TMEM232: variants seen among roughly 807,000 people sequenced by gnomAD.
TMEM232 encodes the protein transmembrane protein 232.
Under a neutral mutation model 78.8 loss-of-function variants are expected in TMEM232, and 80 were observed. The ratio of observed to expected loss-of-function variants is 1.01; its 90% confidence interval spans 0.85 to 1.22. The LOEUF (loss-of-function observed/expected upper bound fraction) is 1.22. TMEM232 is among the 50% of genes most tolerant of loss of function. The pLI is 0.00. For missense variants in TMEM232, 881 were observed against 742.2 expected (o/e 1.19, Z -2.17); for synonymous variants, 297 against 254.3 (o/e 1.17, Z -1.60).
chr5:110,457,866 T>C (rs888048607), intron 12 of TMEM232, among the ~76,000 whole-genome samples: 1 of 152,088 alleles, frequency 6.6e-6, no homozygotes, highest in Non-Finnish European at 1.5e-5. Flanking sequence ...TGCCTACAAA[T>C]ATCATAGATA....
chr5:110,451,691 AT>A lies in TMEM232; in HGVS notation c.1704-26776del, dbSNP rs1760298795. On this transcript the variant is annotated intron_variant, in intron 12 of 13. Coordinates refer to ENST00000455884, the MANE Select transcript of TMEM232 (RefSeq NM_001039763.4). ...TTAGGTGCCTTGCTATCAATTAAACATTTACTAATTTCTTCCAGCAAGAAGC... is the reference window on the plus strand; with the variant it reads ...TTAGGTGCCTTGCTATCAATTAAACATTACTAATTTCTTCCAGCAAGAAGC... 2.6e-5 allele frequency among the ~76,000 whole-genome samples: 4 copies of A among 152,204 alleles called. No individual in the cohort carries two copies. In the South Asian group the frequency reaches 8.3e-4, roughly 32 times the overall value.
At chr5:110,529,934 C>G (rs933126174) in intron 11 of TMEM232, among the ~76,000 whole-genome samples, 5 of 152,152 alleles carry the variant, frequency 3.3e-5, no homozygotes, top group Admixed American at 2.6e-4. Flanking sequence ...AAGTCGGATA[C>G]TGCCTTTTAT....
At chr5:110,465,117 A>G (rs976784748) in intron 12 of TMEM232, among the ~76,000 whole-genome samples, 1 of 152,110 alleles carries the variant, frequency 6.6e-6, no homozygotes, top group Admixed American at 6.5e-5. Flanking sequence ...TAGAGTGAAA[A>G]GCTGTCTTTA....
At chr5:110,738,696 T>C (rs116525996), upstream of TMEM232, 4,653 of 228,832 alleles carry the variant, frequency 0.02, 60 homozygotes, top group African/African-American at 0.028. Flanking sequence ...AGCTGTGACA[T>C]GGGGTATTTC....
Position 110,627,767 on chromosome 5 carries a change from A to C in TMEM232, c.601+14T>G. 1 of 1,422,544 alleles carries C rather than the reference A, an allele frequency of 7.0e-7. No homozygotes were observed. 88.1% of individuals were successfully genotyped at this position (1,422,544 alleles called of 1,614,324 possible). On this transcript the variant is annotated intron_variant, in intron 6 of 13. Transcript: ENST00000455884. ...ATAAAACATTTATAAGTGTAAAAAT[A>C]AAAGATATTCTACCGTATAAATATG...
intron 11 of TMEM232, among the ~76,000 whole-genome samples, chr5:110,561,447 A>G (rs1170258945): frequency 1.3e-5 from 2 of 152,098 alleles, no homozygotes; most frequent in East Asian, 3.8e-4. Flanking sequence ...AGAATTAAAT[A>G]ATTAATGCAC....
At chr5:110,535,463 T>C (rs1772209024) in intron 11 of TMEM232, among the ~76,000 whole-genome samples, 2 of 152,268 alleles carry the variant, frequency 1.3e-5, no homozygotes, top group South Asian at 2.1e-4. Context: ...TTAAAAGCTT[T>C]ATTGCTCACA....
intron 11 of TMEM232, among the ~76,000 whole-genome samples, chr5:110,550,585 C>A (rs1413663234): frequency 2.0e-5 from 3 of 151,524 alleles, no homozygotes; most frequent in Non-Finnish European, 4.4e-5. Flanking sequence ...AGAACAAATT[C>A]TATATATGCA....
At chr5:110,714,522 C>T (rs1403229927) in intron 1 of TMEM232, among the ~76,000 whole-genome samples, 1 of 152,098 alleles carries the variant, frequency 6.6e-6, no homozygotes, top group African/African-American at 2.4e-5. Flanking sequence ...TTGAAATTGG[C>T]TTAGAATAAA....
At chr5:110,441,259 GATA>G (rs1456977169) in intron 12 of TMEM232, among the ~76,000 whole-genome samples, 1 of 152,058 alleles carries the variant, frequency 6.6e-6, no homozygotes, top group Non-Finnish European at 1.5e-5. Context: ...CCCCTACTAT[GATA>G]ATCGAAGATT....
At chr5:110,583,060 TA>T (rs1318693964) in intron 10 of TMEM232, among the ~76,000 whole-genome samples, 1 of 151,968 alleles carries the variant, frequency 6.6e-6, no homozygotes, top group Non-Finnish European at 1.5e-5. Flanking sequence ...CTTAATATTT[TA>T]AAAATGTTTA....
chr5:110,665,933 C>G (rs1375134850), intron 2 of TMEM232, among the ~76,000 whole-genome samples: 1 of 149,940 alleles, frequency 6.7e-6, no homozygotes. Context: ...GCCAGGCATA[C>G]TGGCATGTGC....
At chr5:110,623,120 T>G (rs1783986271) in intron 7 of TMEM232, among the ~76,000 whole-genome samples, 1 of 152,132 alleles carries the variant, frequency 6.6e-6, no homozygotes, top group Non-Finnish European at 1.5e-5. Context: ...GTGTACCATT[T>G]GTCAAAGTCA....
At chr5:110,479,894 A>G (rs1336216429) in intron 12 of TMEM232, among the ~76,000 whole-genome samples, 1 of 151,924 alleles carries the variant, frequency 6.6e-6, no homozygotes, top group Non-Finnish European at 1.5e-5. Context: ...GGTGTGTATT[A>G]TACTGTTATT....
intron 12 of TMEM232, among the ~76,000 whole-genome samples, chr5:110,498,423 G>T: frequency 6.6e-6 from 1 of 152,068 alleles, no homozygotes; most frequent in East Asian, 1.9e-4. Flanking sequence ...TTTCACATGG[G>T]AGCCTTAACA....
chr5:110,628,373 G>A (rs1170165642), intron 5 of TMEM232, among the ~76,000 whole-genome samples: 1 of 151,958 alleles, frequency 6.6e-6, no homozygotes, highest in African/African-American at 2.4e-5. Flanking sequence ...AGATAGTGTT[G>A]AGAACTATCC....
At chr5:110,469,587 G>A (rs1223813340) in intron 12 of TMEM232, among the ~76,000 whole-genome samples, 1 of 152,204 alleles carries the variant, frequency 6.6e-6, no homozygotes, top group Non-Finnish European at 1.5e-5. Context: ...TAGGGAAATG[G>A]TGCCTTGGTG....
At chr5:110,393,116 G>T (rs1384384664) in intron 3 of TMEM232, among the ~76,000 whole-genome samples, 1 of 152,152 alleles carries the variant, frequency 6.6e-6, no homozygotes, top group Non-Finnish European at 1.5e-5. Flanking sequence ...GAATAGACAT[G>T]TACACTTGTG....
intron 12 of TMEM232, among the ~76,000 whole-genome samples, chr5:110,521,689 C>A (rs951107155): frequency 1.3e-5 from 2 of 152,106 alleles, no homozygotes; most frequent in Non-Finnish European, 2.9e-5. Flanking sequence ...GCTTTCCTAG[C>A]ACCATTTATT....
Sources: allele counts gnomAD v4.1 joint callset (sites outside exome capture counted in the v4.1 genomes callset), GRCh38; gene constraint gnomAD v4.1.1; transcripts MANE v1.5; gene names NCBI Gene and HGNC (gene_info 2026-07-23, HGNC 2026-07-21).